The following PDZRN4 variants were observed in gnomAD, a reference collection of about 807,000 sequenced individuals.
The protein encoded by PDZRN4 is PDZ domain-containing RING finger protein 4.
PDZRN4 carries 70 observed loss-of-function variants against 99.0 expected under a neutral mutation model. The ratio of observed to expected loss-of-function variants is 0.71; its 90% confidence interval spans 0.58 to 0.86. The LOEUF (loss-of-function observed/expected upper bound fraction) is 0.86. Among genes scored for constraint, PDZRN4 ranks in the 40% least tolerant of loss-of-function variants. PDZRN4 has a pLI of 0.00. For missense variants in PDZRN4, 1,474 were observed against 1,331.2 expected (o/e 1.11, Z -1.67); for synonymous variants, 551 against 501.6 (o/e 1.10, Z -1.32).
chr12:41,335,765 A>G (rs558816321), intron 3 of PDZRN4, among the ~76,000 whole-genome samples: 1 of 152,210 alleles, frequency 6.6e-6, no homozygotes, highest in East Asian at 1.9e-4. Flanking sequence ...TATACTTGTG[A>G]ATTTTACTGG....
At chr12:41,541,316 C>A (rs1938850834) in intron 5 of PDZRN4, among the ~76,000 whole-genome samples, 1 of 151,962 alleles carries the variant, frequency 6.6e-6, no homozygotes, top group Non-Finnish European at 1.5e-5. Context: ...ACTCTTGTGC[C>A]AAATATTTAA....
intron 3 of PDZRN4, among the ~76,000 whole-genome samples, chr12:41,333,492 A>G (rs1295272284): frequency 6.6e-6 from 1 of 152,130 alleles, no homozygotes; most frequent in Non-Finnish European, 1.5e-5. Flanking sequence ...CATGTGCTTC[A>G]GACCAGGGTC....
intron 3 of PDZRN4, among the ~76,000 whole-genome samples, chr12:41,232,950 G>C (rs1001005694): frequency 1.3e-5 from 2 of 152,014 alleles, no homozygotes; most frequent in Non-Finnish European, 2.9e-5. Flanking sequence ...GCTTGTTTTT[G>C]TCAGGTTTGT....
intron 3 of PDZRN4, among the ~76,000 whole-genome samples, chr12:41,317,001 A>G (rs560044527): frequency 7.6e-6 from 1 of 132,220 alleles, no homozygotes; most frequent in South Asian, 2.6e-4. Context: ...TTTGGGAGTA[A>G]GGGGGTGTTA....
intron 5 of PDZRN4, among the ~76,000 whole-genome samples, chr12:41,525,855 T>A (rs951071681): frequency 4.6e-5 from 7 of 152,026 alleles, no homozygotes; most frequent in African/African-American, 1.4e-4. Flanking sequence ...AAAAAAAAAA[T>A]TCAAATTAAG....
Position 41,295,668 on chromosome 12 carries a change from C to A in PDZRN4, c.843+101480C>A, listed in dbSNP as rs1592001177. On this transcript the variant is annotated intron_variant, in intron 3 of 9. Transcript: ENST00000402685. The stretch of plus-strand genomic sequence containing the variant: ...AAAATTTTTGGCCACAAAATAAGCT[C>A]ATATGAATGTGATATAACATGTCTG... 2.6e-5 allele frequency among the ~76,000 whole-genome samples: 4 copies of A among 152,058 alleles called. No individual in the cohort carries two copies. In the South Asian group the frequency reaches 8.3e-4, roughly 32 times the overall value.
chr12:41,468,549 TTGC>T (rs1223371472), intron 3 of PDZRN4, among the ~76,000 whole-genome samples: 2 of 152,228 alleles, frequency 1.3e-5, no homozygotes, highest in African/African-American at 2.4e-5. Flanking sequence ...TGTACTTTTT[TTGC>T]TTACTCGCAT....
intron 3 of PDZRN4, among the ~76,000 whole-genome samples, chr12:41,349,339 C>T (rs1951875013): frequency 6.6e-6 from 1 of 151,708 alleles, no homozygotes; most frequent in Non-Finnish European, 1.5e-5. Context: ...TAGATTAAGA[C>T]ATGTGAATTG....
Position 41,573,123 on chromosome 12 carries a change from T to C in PDZRN4, c.2344T>C (p.Ser782Pro). The change falls in exon 10 of 10, where the codon TCT (serine) becomes CCT (proline). Residue 782 changes from serine (S) to proline (P), a missense_variant. Coordinates refer to ENST00000402685, the MANE Select transcript of PDZRN4 (RefSeq NM_001164595.2). ...AAGCACAATGGCAGCCACCCAGTCC[T>C]CTTCCGGACAGAGCAGTAAAGAGTC... Reference protein sequence around the residue: ...LRSTMAATQSSSGQSSKESTS... With the variant: ...LRSTMAATQSPSGQSSKESTS... 4 of 1,614,120 alleles carry C rather than the reference T, an allele frequency of 2.5e-6. No individual in the cohort carries two copies. Among genetic ancestry groups the C allele is most frequent in the Non-Finnish European group, 3.4e-6 (4 of 1,180,014 alleles).
intron 3 of PDZRN4, among the ~76,000 whole-genome samples, chr12:41,326,741 A>C (rs12812230): frequency 0.32 from 47,931 of 152,056 alleles, 7,913 homozygotes; most frequent in Non-Finnish European, 0.37. Context: ...TGCACATGAT[A>C]AGGTAAAATT....
intron 5 of PDZRN4, among the ~76,000 whole-genome samples, chr12:41,533,460 A>G (rs1397485735): frequency 6.6e-6 from 1 of 152,222 alleles, no homozygotes; most frequent in Non-Finnish European, 1.5e-5. Flanking sequence ...GGCGTGAGCC[A>G]CTGAGCCCAG....
At chr12:41,509,997 C>T (rs1234437006) in intron 5 of PDZRN4, 84 bp downstream of exon 5, 1 of 662,452 alleles carries the variant, frequency 1.5e-6, no homozygotes, top group South Asian at 2.0e-5. Flanking sequence ...TAATTTATTA[C>T]AGTGAGAAAT....
intron 3 of PDZRN4, among the ~76,000 whole-genome samples, chr12:41,212,956 G>T (rs1950897596): frequency 2.0e-5 from 3 of 151,910 alleles, no homozygotes; most frequent in Admixed American, 2.0e-4. Context: ...CTCTCAGCAA[G>T]GATTGGAGAG....
chr12:41,504,738 A>T (rs1031163566), intron 3 of PDZRN4, among the ~76,000 whole-genome samples: 1 of 152,116 alleles, frequency 6.6e-6, no homozygotes, highest in Non-Finnish European at 1.5e-5. Flanking sequence ...CCCAAGTCAG[A>T]TATTCCAAGG....
intron 3 of PDZRN4, among the ~76,000 whole-genome samples, chr12:41,408,644 T>G (rs1592048244): frequency 6.6e-6 from 1 of 152,208 alleles, no homozygotes. Flanking sequence ...ATCGGAATTT[T>G]ATATATTTTT....
At chr12:41,324,275 A>G (rs764970528) in intron 3 of PDZRN4, among the ~76,000 whole-genome samples, 25 of 152,172 alleles carry the variant, frequency 1.6e-4, no homozygotes, top group Non-Finnish European at 3.4e-4. Context: ...ACAAAAAAAA[A>G]TATCTGTGCA....
intron 3 of PDZRN4, among the ~76,000 whole-genome samples, chr12:41,431,342 A>ACG (rs1456918821): frequency 6.6e-6 from 1 of 152,196 alleles, no homozygotes; most frequent in Non-Finnish European, 1.5e-5. Flanking sequence ...TGTTTTAGAG[A>ACG]CGAGAAACCA....
chr12:41,389,982 G>T (rs1393255706), intron 3 of PDZRN4, among the ~76,000 whole-genome samples: 1 of 152,116 alleles, frequency 6.6e-6, no homozygotes, highest in East Asian at 1.9e-4. Flanking sequence ...TGTCGAAAAG[G>T]ACAGATTATT....
At chr12:41,544,704 T>G (rs1938916747) in intron 5 of PDZRN4, among the ~76,000 whole-genome samples, 1 of 152,208 alleles carries the variant, frequency 6.6e-6, no homozygotes, top group Non-Finnish European at 1.5e-5. Flanking sequence ...AAGAAGCTAC[T>G]AAGCATCAGT....
Sources: allele counts gnomAD v4.1 joint callset (sites outside exome capture counted in the v4.1 genomes callset), GRCh38; gene constraint gnomAD v4.1.1; transcripts MANE v1.5; gene names NCBI Gene and HGNC (gene_info 2026-07-23, HGNC 2026-07-21).